The following RAPGEF5 variants were observed in gnomAD, a reference collection of about 807,000 sequenced individuals.
The protein encoded by RAPGEF5 is Rap guanine nucleotide exchange factor 5.
Under a neutral mutation model 125.2 loss-of-function variants are expected in RAPGEF5, and 65 were observed. The ratio of observed to expected loss-of-function variants is 0.52; its 90% CI spans 0.43 to 0.64. The LOEUF is 0.64. Among genes scored for constraint, RAPGEF5 ranks in the 30% least tolerant of loss-of-function variants. The pLI is 0.00. For missense variants in RAPGEF5, 958 were observed against 1,048.1 expected (o/e 0.91, Z 1.19); for synonymous variants, 391 against 385.9 (o/e 1.01, Z -0.16).
intron 11 of RAPGEF5, among the ~76,000 whole-genome samples, chr7:22,190,021 C>T (rs902300350): frequency 1.3e-5 from 2 of 152,156 alleles, no homozygotes; most frequent in African/African-American, 4.8e-5. Context: ...GTGGCTCACG[C>T]ATGTAATCCC....
intron 1 of RAPGEF5, among the ~76,000 whole-genome samples, chr7:22,327,936 A>G (rs1029013413): frequency 2.0e-5 from 3 of 152,162 alleles, no homozygotes; most frequent in Admixed American, 1.3e-4. Context: ...TTATATAAAG[A>G]GCTTAGAACA....
chr7:22,283,999 C>A (rs747609132), intron 6 of RAPGEF5, among the ~76,000 whole-genome samples: 1 of 152,018 alleles, frequency 6.6e-6, no homozygotes, highest in African/African-American at 2.4e-5. Flanking sequence ...AGTTACCACA[C>A]AATCTGGGTA....
At chr7:22,140,582 C>A (rs1348662591) in intron 20 of RAPGEF5, among the ~76,000 whole-genome samples, 1 of 152,068 alleles carries the variant, frequency 6.6e-6, no homozygotes, top group African/African-American at 2.4e-5. Context: ...TTGCTACCAA[C>A]AAAATAGCTA....
At chr7:22,128,898 A>G (rs891000777) in intron 24 of RAPGEF5, among the ~76,000 whole-genome samples, 10 of 152,246 alleles carry the variant, frequency 6.6e-5, no homozygotes, top group African/African-American at 2.4e-4. Flanking sequence ...AATATTATTT[A>G]TGCCATGCTA....
intron 18 of RAPGEF5, 26 bp downstream of exon 18, chr7:22,150,381 T>A (rs370430326): frequency 1.3e-6 from 2 of 1,592,198 alleles, no homozygotes; most frequent in Non-Finnish European, 1.7e-6. Context: ...CCTGTTTGTT[T>A]CAAATACAAG....
chr7:22,297,456 G>A (rs1268730777), intron 5 of RAPGEF5, among the ~76,000 whole-genome samples: 1 of 152,188 alleles, frequency 6.6e-6, no homozygotes, highest in Non-Finnish European at 1.5e-5. Context: ...GGGAGCAATT[G>A]TGATACAGTT....
chr7:22,244,773 G>A (rs1001783017), intron 7 of RAPGEF5, among the ~76,000 whole-genome samples: 4 of 152,064 alleles, frequency 2.6e-5, no homozygotes, highest in African/African-American at 7.2e-5. Flanking sequence ...GTAGGCGACC[G>A]CTGCTGAAAT....
At chr7:22,157,794 G>A in intron 15 of RAPGEF5, 61 bp downstream of exon 15, 3 of 1,524,910 alleles carry the variant, frequency 2.0e-6, no homozygotes, top group Non-Finnish European at 2.7e-6. Context: ...CACGCCAAGG[G>A]AGGCAAGGCA....
intron 11 of RAPGEF5, among the ~76,000 whole-genome samples, chr7:22,188,513 T>C (rs541175388): frequency 7.9e-4 from 120 of 152,186 alleles, no homozygotes; most frequent in African/African-American, 2.7e-3. Flanking sequence ...ACATCTGTAA[T>C]CCCAGCACTT....
chr7:22,318,104 A>G (rs1446480892), intron 1 of RAPGEF5, 67 bp from the exon 2 acceptor site: 7 of 1,468,298 alleles, frequency 4.8e-6, no homozygotes, highest in Non-Finnish European at 6.3e-6. Flanking sequence ...AAATGAAAAC[A>G]TAAGCAACAG....
intron 24 of RAPGEF5, among the ~76,000 whole-genome samples, chr7:22,129,740 C>A (rs1782856110): frequency 6.6e-6 from 1 of 151,824 alleles, no homozygotes. Flanking sequence ...ATTGACAGAG[C>A]CACTTAGAAA....
At chr7:22,345,166 G>A (rs528734179) in intron 1 of RAPGEF5, among the ~76,000 whole-genome samples, 3 of 152,276 alleles carry the variant, frequency 2.0e-5, no homozygotes, top group South Asian at 4.2e-4. Context: ...ACCCTTCACC[G>A]CAGCCTGAGG....
chr7:22,263,633 A>G (rs867070146), intron 7 of RAPGEF5, among the ~76,000 whole-genome samples: 9 of 151,930 alleles, frequency 5.9e-5, no homozygotes, highest in African/African-American at 1.9e-4. Context: ...GGGAGGCTGA[A>G]GCAGGAGAAT....
At chr7:22,214,110 A>C (rs935461064) in intron 9 of RAPGEF5, among the ~76,000 whole-genome samples, 6 of 152,192 alleles carry the variant, frequency 3.9e-5, no homozygotes, top group African/African-American at 1.4e-4. Flanking sequence ...CGTAGGCAGA[A>C]TTCCAGGATG....
chr7:22,165,454 A>G (rs1246207599), intron 12 of RAPGEF5, among the ~76,000 whole-genome samples: 1 of 152,220 alleles, frequency 6.6e-6, no homozygotes, highest in Non-Finnish European at 1.5e-5. Flanking sequence ...ACTTTTGAAG[A>G]AAGATGTTCA....
At chr7:22,200,202 GA>G (rs996503811) in intron 9 of RAPGEF5, among the ~76,000 whole-genome samples, 10 of 147,916 alleles carry the variant, frequency 6.8e-5, no homozygotes, top group Non-Finnish European at 7.5e-5. Flanking sequence ...AGACTTATCT[GA>G]AAAAAAAAAT....
chr7:22,228,472 C>T (rs1785973372), intron 8 of RAPGEF5, among the ~76,000 whole-genome samples: 1 of 152,110 alleles, frequency 6.6e-6, no homozygotes, highest in South Asian at 2.1e-4. Context: ...AGGGTAGGAG[C>T]ACAAGAGAGT....
intron 14 of RAPGEF5, 109 bp from the exon 15 acceptor site, chr7:22,157,994 A>T (rs1359183518): frequency 4.2e-6 from 4 of 961,066 alleles, no homozygotes; most frequent in Admixed American, 2.5e-5. Flanking sequence ...TTTGCTCTTT[A>T]AAAAAAATAA....
chr7:22,313,264 G>A (rs1783514935), intron 3 of RAPGEF5, among the ~76,000 whole-genome samples: 1 of 152,164 alleles, frequency 6.6e-6, no homozygotes, highest in Non-Finnish European at 1.5e-5. Flanking sequence ...ATCAGGTGAT[G>A]GTATTTTAGT....
Sources: gnomAD v4.1 joint callset for allele counts (sites outside exome capture counted in the v4.1 genomes callset) on GRCh38, gnomAD v4.1.1 for gene constraint, MANE v1.5 for transcripts, NCBI Gene and HGNC (gene_info 2026-07-23, HGNC 2026-07-21) for gene names.